Variants in LIPF observed in about 807,000 individuals in gnomAD.
The protein encoded by LIPF is gastric triacylglycerol lipase.
Under a neutral mutation model 38.0 loss-of-function variants are expected in LIPF, and 25 were observed. The observed-to-expected ratio is 0.66, with a 90% confidence interval of 0.48 to 0.92. The LOEUF (loss-of-function observed/expected upper bound fraction) is 0.92, where lower values mean the gene tolerates loss of function less well. Ranked by LOEUF, LIPF falls within the 40% of genes least tolerant of loss-of-function variation. The pLI is 0.00. For synonymous variants in LIPF, 161 were observed against 156.2 expected, an observed-to-expected ratio of 1.03 and a Z score of -0.23; for missense variants, 410 against 469.9, an observed-to-expected ratio of 0.87 and a Z score of 1.18.
intron 4 of LIPF, chr10:88,669,342 G>T (rs17333796): frequency 0.031 from 4,856 of 157,688 alleles, 93 homozygotes; most frequent in Middle Eastern, 0.06. Flanking sequence ...AAGGGAAAAT[G>T]ACATGAGTGA....
chr10:88,670,517 G>A (rs1320048145), intron 5 of LIPF, among the ~76,000 whole-genome samples: 1 of 152,138 alleles, frequency 6.6e-6, no homozygotes, highest in Admixed American at 6.5e-5. Flanking sequence ...TCATGATGAA[G>A]GTCAGAGAGT....
chr10:88,669,897 T>G lies in LIPF; in HGVS notation c.483T>G (p.Thr161=). The G allele has an allele frequency of 6.2e-7, 1 of 1,613,626 alleles. No individual in the cohort carries two copies. Among genetic ancestry groups the G allele is most frequent in the Non-Finnish European group, 8.5e-7 (1 of 1,179,634 alleles). ...CAATCGACTTCATTGTAAAGAAAACTGGACAGAAGCAGCTACACTATGTTG... is the reference window on the plus strand; with the variant it reads ...CAATCGACTTCATTGTAAAGAAAACGGGACAGAAGCAGCTACACTATGTTG... The part of the protein sequence containing the change: ...PATIDFIVKK[T]GQKQLHYVGH... The change falls in exon 5 of 10, where the codon ACT becomes ACG. Residue 161 remains threonine, a synonymous_variant. Coordinates refer to ENST00000238983, the MANE Select transcript of LIPF (RefSeq NM_004190.4).
In LIPF at chr10:88,678,425, CT is replaced by C; in HGVS notation, c.961-17del. 1 of 1,569,276 alleles carries C rather than the reference CT, an allele frequency of 6.4e-7. No homozygotes were observed. On this transcript the variant is annotated intron_variant, in intron 9 of 9. Coordinates refer to ENST00000238983, the MANE Select transcript of LIPF (RefSeq NM_004190.4). ...AAGTGTGGTTACCTAAACTCTGGTT[CT>C]TTCTCTTGTGTTTTCTAGTCCCAAC...
At chr10:88,671,134 C>T (rs749849539) in intron 5 of LIPF, among the ~76,000 whole-genome samples, 4 of 152,134 alleles carry the variant, frequency 2.6e-5, no homozygotes, top group Admixed American at 6.5e-5. Flanking sequence ...CTACTGCTTA[C>T]AAAATTAATT....
At chr10:88,676,863 A>T (rs187500747) in intron 9 of LIPF, among the ~76,000 whole-genome samples, 1 of 152,204 alleles carries the variant, frequency 6.6e-6, no homozygotes, top group African/African-American at 2.4e-5. Context: ...TCTGCAGTCA[A>T]TATGAGTTTG....
At position 88,673,637 on chromosome 10, in the gene LIPF, T is replaced by C. The variant is rs1296328159; in HGVS notation, c.719T>C (p.Phe240Ser). The change falls in exon 7 of 10, where the codon TTT becomes TCT. Residue 240 changes from phenylalanine (F) to serine (S), a missense_variant. Transcript: ENST00000238983. ...IFYPHNFFDQ[F>S]LATEVCSREM... ...TACCCACACAACTTCTTTGATCAATTTCTTGCTACTGAAGTGTGCTCCCGT... is the reference window on the plus strand; with the variant it reads ...TACCCACACAACTTCTTTGATCAATCTCTTGCTACTGAAGTGTGCTCCCGT... 1 of 1,611,592 alleles carries C rather than the reference T, an allele frequency of 6.2e-7. No homozygotes were observed. The highest frequency in any genetic ancestry group is 8.5e-7 in the Non-Finnish European group (1 of 1,177,952).
In LIPF at chr10:88,678,617, C is replaced by T. The variant is rs750384967; in HGVS notation, c.1133C>T (p.Ala378Val). The T allele has an allele frequency of 4.3e-6, 7 of 1,613,648 alleles. No individual in the cohort carries two copies. Among genetic ancestry groups the T allele is most frequent in the Non-Finnish European group, 5.1e-6 (6 of 1,179,660 alleles). The change falls in exon 10 of 10, where the codon GCA (alanine) becomes GTA (valine). Residue 378 changes from alanine (A) to valine (V), a missense_variant. Transcript: ENST00000238983. The stretch of plus-strand genomic sequence containing the variant: ...TACAATCACTTGGACTTTATCTGGG[C>T]AATGGATGCCCCTCAAGAAGTTTAC... ...PFYNHLDFIWAMDAPQEVYND... is the reference protein window; with the variant it reads ...PFYNHLDFIWVMDAPQEVYND...
Position 88,678,456 on chromosome 10 carries a change from C to T in LIPF, c.972C>T (p.Pro324=), listed in dbSNP as rs765633869. ...NRMHYDQSQP[P]YYNVTAMNVP... ...CTTGTGTTTTCTAGTCCCAACCTCCCTACTACAATGTGACAGCCATGAATG... is the reference window on the plus strand; with the variant it reads ...CTTGTGTTTTCTAGTCCCAACCTCCTTACTACAATGTGACAGCCATGAATG... The change falls in exon 10 of 10, where the codon CCC becomes CCT. Residue 324 remains proline (P), a synonymous_variant. Coordinates refer to ENST00000238983, the MANE Select transcript of LIPF (RefSeq NM_004190.4). The T allele has an allele frequency of 6.2e-7, 1 of 1,613,410 alleles. No homozygotes were observed. The highest frequency in any genetic ancestry group is 8.5e-7 in the Non-Finnish European group (1 of 1,179,368).
In LIPF at chr10:88,673,744, C is replaced by A; in HGVS notation, c.816+10C>A. The A allele has an allele frequency of 6.3e-7, 1 of 1,599,152 alleles. No homozygotes were observed. The highest frequency in any genetic ancestry group is 8.5e-7 in the Non-Finnish European group (1 of 1,171,660). On this transcript the variant is annotated intron_variant, in intron 7 of 9. Coordinates refer to ENST00000238983, the MANE Select transcript of LIPF (RefSeq NM_004190.4). ...TAAGAACTTTAACACGGTTAGTATG[C>A]ATTTCAATTTCTATATTTTGAGCAA... is the stretch of plus-strand genomic sequence containing the variant.
At chr10:88,677,995 T>C (rs1590115982) in intron 9 of LIPF, among the ~76,000 whole-genome samples, 1 of 152,206 alleles carries the variant, frequency 6.6e-6, no homozygotes, top group African/African-American at 2.4e-5. Flanking sequence ...CATTTTGAGA[T>C]CATATTTTAG....
intron 1 of LIPF, among the ~76,000 whole-genome samples, chr10:88,665,247 G>T (rs1841493432): frequency 6.6e-6 from 1 of 152,156 alleles, no homozygotes. Flanking sequence ...TGAGATAATA[G>T]TCATAATAAC....
At chr10:88,674,925 A>G (rs2134645915) in intron 7 of LIPF, among the ~76,000 whole-genome samples, 1 of 152,368 alleles carries the variant, frequency 6.6e-6, no homozygotes, top group South Asian at 2.1e-4. Context: ...AACAAAAGGC[A>G]GAACAAATTA....
Position 88,668,959 on chromosome 10 carries a change from C to T in LIPF, c.422+203C>T, listed in dbSNP as rs530245008. 7.5e-6 allele frequency: 4 copies of T among 532,890 alleles called. No homozygotes were observed. The East Asian group carries it at 8.8e-5, about 12-fold the overall frequency. The allele number at this position is 532,890 out of a possible 1,614,324, so 33.0% of individuals were successfully genotyped here. On this transcript the variant is annotated intron_variant, in intron 4 of 9. Coordinates refer to ENST00000238983, the MANE Select transcript of LIPF (RefSeq NM_004190.4). Reference sequence around the variant, plus strand: ...TTCAAACTTTTGTGATCTCAGGAGTCTCCATTAGGGATTTCCAGAAAGTGA... The same window carrying T: ...TTCAAACTTTTGTGATCTCAGGAGTTTCCATTAGGGATTTCCAGAAAGTGA...
intron 6 of LIPF, among the ~76,000 whole-genome samples, 194 bp downstream of exon 6, chr10:88,672,159 T>C (rs1841610041): frequency 6.6e-6 from 1 of 152,208 alleles, no homozygotes; most frequent in Non-Finnish European, 1.5e-5. Flanking sequence ...GAGATCCCCC[T>C]TTCTTTCTTT....
At chr10:88,674,751 C>T (rs1381737463) in intron 7 of LIPF, among the ~76,000 whole-genome samples, 1 of 152,162 alleles carries the variant, frequency 6.6e-6, no homozygotes, top group South Asian at 2.1e-4. Context: ...TACTACTATT[C>T]ATAGACAACT....
intron 7 of LIPF, among the ~76,000 whole-genome samples, chr10:88,674,229 C>T (rs531420043): frequency 1.3e-5 from 2 of 152,180 alleles, no homozygotes; most frequent in East Asian, 1.9e-4. Context: ...AGTGCAGTGG[C>T]GCAATCTCGG....
chr10:88,670,175 C>G lies in LIPF; in HGVS notation c.532+229C>G, dbSNP rs142298278. 1.3e-4 allele frequency among the ~76,000 whole-genome samples: 20 copies of G among 152,286 alleles called. No individual in the cohort carries two copies. The East Asian group carries it at 3.9e-3, about 29-fold the overall frequency. ...TTACCAATAGGGTAGCTCAGGCAGT[C>G]TGACTCCCAAGCACATACTCTGAAG... On this transcript the variant is annotated intron_variant, in intron 5 of 9. Coordinates refer to ENST00000238983, the MANE Select transcript of LIPF (RefSeq NM_004190.4).
chr10:88,667,501 G>C, intron 2 of LIPF, 68 bp from the exon 3 acceptor site: 1 of 1,049,866 alleles, frequency 9.5e-7, no homozygotes, highest in Non-Finnish European at 1.4e-6. Flanking sequence ...AAAATAAACA[G>C]TAATATTCAT....
Position 88,671,817 on chromosome 10 carries a change from G to T in LIPF, c.533-12G>T. Reference sequence around the variant, plus strand: ...CACACACCTTTTTCACCAGTTCCTTGTTCTTTTTCAGGTTTTATTGCCTTT... The same window carrying T: ...CACACACCTTTTTCACCAGTTCCTTTTTCTTTTTCAGGTTTTATTGCCTTT... On this transcript the variant is annotated splice_polypyrimidine_tract_variant and intron_variant, in intron 5 of 9. Coordinates refer to ENST00000238983, the MANE Select transcript of LIPF (RefSeq NM_004190.4). 1 of 1,605,934 alleles carries T rather than the reference G, an allele frequency of 6.2e-7. No individual in the cohort carries two copies. Among genetic ancestry groups the T allele is most frequent in the Non-Finnish European group, 8.5e-7 (1 of 1,177,388 alleles).
Sources: gnomAD v4.1 joint callset for allele counts (sites outside exome capture counted in the v4.1 genomes callset) on GRCh38, gnomAD v4.1.1 for gene constraint, MANE v1.5 for transcripts, NCBI Gene and HGNC (gene_info 2026-07-23, HGNC 2026-07-21) for gene names.